Variants in CWH43 observed in about 807,000 individuals in gnomAD.
CWH43 encodes cell wall biogenesis 43 C-terminal homolog.
CWH43 carries 91 observed loss-of-function variants against 85.7 expected under a neutral mutation model. The ratio of observed to expected loss-of-function variants is 1.06; its 90% CI spans 0.90 to 1.26. The LOEUF is 1.26. Ranked by LOEUF, CWH43 falls within the 50% of genes most tolerant of loss-of-function variation. The probability of loss-of-function intolerance (pLI) is 0.00; values close to 1 mark genes in which losing one functional copy is unlikely to be tolerated. For missense variants in CWH43, 869 were observed against 839.2 expected (o/e 1.04, Z -0.44); for synonymous variants, 323 against 293.6 (o/e 1.10, Z -1.02).
chr4:49,026,527 A>G (rs1271894751), intron 9 of CWH43, among the ~76,000 whole-genome samples: 1 of 152,052 alleles, frequency 6.6e-6, no homozygotes, highest in East Asian at 1.9e-4. Context: ...GTAGTCTTTT[A>G]TCCTTTACCC....
chr4:49,007,933 C>A (rs533870659), intron 8 of CWH43, among the ~76,000 whole-genome samples: 1 of 152,118 alleles, frequency 6.6e-6, no homozygotes, highest in Non-Finnish European at 1.5e-5. Flanking sequence ...AATAAACATA[C>A]GTGTGCATGT....
intron 15 of CWH43, among the ~76,000 whole-genome samples, chr4:49,054,964 T>A (rs570690415): frequency 2.6e-5 from 4 of 152,242 alleles, no homozygotes; most frequent in Admixed American, 6.5e-5. Context: ...AGGGACAATT[T>A]AACTTTTTCC....
At chr4:48,996,761 A>G (rs1240415150) in intron 5 of CWH43, among the ~76,000 whole-genome samples, 3 of 152,202 alleles carry the variant, frequency 2.0e-5, no homozygotes, top group African/African-American at 2.4e-5. Flanking sequence ...TGCTTTACTC[A>G]CAAGAAGAAT....
intron 5 of CWH43, among the ~76,000 whole-genome samples, chr4:48,995,423 T>C (rs1782782286): frequency 6.6e-6 from 1 of 152,192 alleles, no homozygotes; most frequent in Non-Finnish European, 1.5e-5. Flanking sequence ...ACACATCTTT[T>C]CTCTTGTAAC....
At chr4:49,050,963 G>A in intron 15 of CWH43, 114 bp downstream of exon 15, 1 of 713,552 alleles carries the variant, frequency 1.4e-6, no homozygotes. Context: ...GTTTATTCCA[G>A]GTAAGGGAGA....
In CWH43 at chr4:49,047,278, C is replaced by T. The variant is rs773105668; in HGVS notation, c.1865+2431C>T. Among the ~76,000 whole-genome samples, 16 of 152,156 alleles carry T rather than the reference C, an allele frequency of 1.1e-4. 1 individual carries two copies. The highest frequency in any genetic ancestry group is 1.9e-4 in the Non-Finnish European group (13 of 68,036). On this transcript the variant is annotated intron_variant, in intron 14 of 15. Transcript: ENST00000226432. Reference sequence around the variant, plus strand: ...TTTCTCTTGCTCTAGACTCCATTTGCCATTCAACAAGTATCGATCTAGCAG... The same window carrying T: ...TTTCTCTTGCTCTAGACTCCATTTGTCATTCAACAAGTATCGATCTAGCAG...
chr4:48,990,556 C>T (rs1279096747), intron 2 of CWH43, among the ~76,000 whole-genome samples: 1 of 152,136 alleles, frequency 6.6e-6, no homozygotes, highest in Non-Finnish European at 1.5e-5. Flanking sequence ...GTGTAATTAA[C>T]TATGAAACCA....
chr4:49,016,978 C>G (rs1272582513), intron 8 of CWH43: 1 of 781,566 alleles, frequency 1.3e-6, no homozygotes, highest in Non-Finnish European at 2.4e-6. Context: ...GCAGGCACAG[C>G]AATCTTGGGA....
chr4:49,050,143 G>C (rs1784749031), intron 14 of CWH43, among the ~76,000 whole-genome samples: 2 of 152,138 alleles, frequency 1.3e-5, no homozygotes, highest in Admixed American at 1.3e-4. Context: ...TGTTGTTCAT[G>C]GTTCCCCGTG....
chr4:48,988,445 C>T (rs762408497), intron 1 of CWH43, 32 bp from the exon 2 acceptor site: 1 of 1,500,400 alleles, frequency 6.7e-7, no homozygotes, highest in Non-Finnish European at 8.9e-7. Flanking sequence ...TGAAGTTACA[C>T]TTTCTCTCTT....
intron 14 of CWH43, among the ~76,000 whole-genome samples, chr4:49,049,178 T>C (rs1480878030): frequency 6.6e-6 from 1 of 152,188 alleles, no homozygotes; most frequent in African/African-American, 2.4e-5. Flanking sequence ...ATTTAGGACT[T>C]GAGCCCAGAC....
intron 10 of CWH43, among the ~76,000 whole-genome samples, chr4:49,029,053 G>T (rs756322221): frequency 8.5e-5 from 13 of 152,092 alleles, no homozygotes; most frequent in Non-Finnish European, 1.6e-4. Flanking sequence ...TGTCACCTGG[G>T]GACCCACTGT....
chr4:48,991,611 G>T (rs746388339), intron 3 of CWH43, 37 bp downstream of exon 3: 14 of 1,602,822 alleles, frequency 8.7e-6, no homozygotes, highest in Admixed American at 6.9e-5. Flanking sequence ...AGACAAACAA[G>T]TATAACCAGT....
In CWH43 at chr4:49,053,114, A is replaced by G. The variant is rs181783416; in HGVS notation, c.2021+2265A>G. Among the ~76,000 whole-genome samples, 710 of 152,208 alleles carry G rather than the reference A, an allele frequency of 4.7e-3. 3 individuals carry two copies. The highest frequency in any genetic ancestry group is 6.7e-3 in the Non-Finnish European group (453 of 68,008). On this transcript the variant is annotated intron_variant, in intron 15 of 15. Coordinates refer to ENST00000226432, the MANE Select transcript of CWH43 (RefSeq NM_025087.3). ...CATCCATGTTGTTGCAAATGACAAG[A>G]TTTCCTCTTTTCAGGCTGAATACTA... is the stretch of plus-strand genomic sequence containing the variant.
chr4:49,039,583 T>C (rs1029053755), intron 13 of CWH43, among the ~76,000 whole-genome samples: 1 of 150,530 alleles, frequency 6.6e-6, no homozygotes, highest in African/African-American at 2.4e-5. Flanking sequence ...AGAGAAAAAA[T>C]CTTATCCGTC....
chr4:48,988,386 A>G (rs1213176903), intron 1 of CWH43, 91 bp from the exon 2 acceptor site: 3 of 967,552 alleles, frequency 3.1e-6, no homozygotes, highest in Admixed American at 5.5e-5. Context: ...AAGAATGACC[A>G]GCCCAAGCGG....
At chr4:49,040,404 C>T (rs1784421462) in intron 13 of CWH43, among the ~76,000 whole-genome samples, 1 of 152,150 alleles carries the variant, frequency 6.6e-6, no homozygotes, top group South Asian at 2.1e-4. Flanking sequence ...CTCTCCAGCA[C>T]CTGTCGTTTC....
chr4:49,061,721 T>G lies in CWH43; in HGVS notation c.2022-91T>G, dbSNP rs191134895. 4.2e-4 allele frequency: 451 copies of G among 1,078,670 alleles called. 9 individuals are homozygous for G. The East Asian group carries it at 0.012, about 29-fold the overall frequency. 66.8% of individuals were successfully genotyped at this position (1,078,670 alleles called of 1,614,324 possible). On this transcript the variant is annotated intron_variant, in intron 15 of 15. Coordinates refer to ENST00000226432, the MANE Select transcript of CWH43 (RefSeq NM_025087.3). ...CTTTTTTATTTATTCATTTGCTATTTTATTTTATGATTGAAATTTTACATA... is the reference window on the plus strand; with the variant it reads ...CTTTTTTATTTATTCATTTGCTATTGTATTTTATGATTGAAATTTTACATA...
chr4:49,039,892 C>T (rs1008562615), intron 13 of CWH43, among the ~76,000 whole-genome samples: 12 of 151,916 alleles, frequency 7.9e-5, no homozygotes, highest in African/African-American at 2.9e-4. Flanking sequence ...CTATCCCTCC[C>T]CCGTCCCCAC....
Sources: gnomAD v4.1 joint callset for allele counts (sites outside exome capture counted in the v4.1 genomes callset) on GRCh38, gnomAD v4.1.1 for gene constraint, MANE v1.5 for transcripts, NCBI Gene and HGNC (gene_info 2026-07-23, HGNC 2026-07-21) for gene names.